BTRC: variants seen among roughly 807,000 people sequenced by gnomAD.
The protein encoded by BTRC is F-box/WD repeat-containing protein 1A.
A neutral mutation model predicts 85.5 loss-of-function variants in BTRC; 42 were observed. The observed-to-expected ratio is 0.49, with a 90% CI of 0.38 to 0.64. The LOEUF (loss-of-function observed/expected upper bound fraction) is 0.64, where lower values mean the gene tolerates loss of function less well. Ranked by LOEUF, BTRC falls within the 30% of genes least tolerant of loss-of-function variation. BTRC has a pLI of 0.00. For synonymous variants in BTRC, 255 were observed against 263.3 expected (o/e 0.97, Z 0.30); for missense variants, 594 against 743.5 (o/e 0.80, Z 2.34).
At chr10:101,422,384 G>T (rs1297421383) in intron 1 of BTRC, among the ~76,000 whole-genome samples, 8 of 152,184 alleles carry the variant, frequency 5.3e-5, no homozygotes, top group African/African-American at 1.9e-4. Context: ...CTTTGTCAGA[G>T]GAGTAGATTG....
chr10:101,464,045 A>T (rs1589502681), intron 3 of BTRC, among the ~76,000 whole-genome samples: 1 of 152,288 alleles, frequency 6.6e-6, no homozygotes, highest in East Asian at 1.9e-4. Flanking sequence ...TGATCTGTTC[A>T]TCTAAACCAA....
intron 4 of BTRC, among the ~76,000 whole-genome samples, chr10:101,484,329 T>C (rs1945925585): frequency 6.6e-6 from 1 of 152,220 alleles, no homozygotes; most frequent in African/African-American, 2.4e-5. Flanking sequence ...AGCAAAATGG[T>C]CCTGGTATGA....
At chr10:101,461,423 G>A (rs1400433220) in intron 2 of BTRC, among the ~76,000 whole-genome samples, 1 of 151,992 alleles carries the variant, frequency 6.6e-6, no homozygotes, top group Non-Finnish European at 1.5e-5. Flanking sequence ...ACATTTTAGG[G>A]CCTCTAGCTG....
At chr10:101,475,704 A>C (rs1457543116) in intron 3 of BTRC, among the ~76,000 whole-genome samples, 1 of 151,960 alleles carries the variant, frequency 6.6e-6, no homozygotes, top group African/African-American at 2.4e-5. Context: ...ATGCTGATAT[A>C]AACAAATGAG....
chr10:101,505,124 T>TACACAC (rs1166595836), intron 4 of BTRC, among the ~76,000 whole-genome samples: 1 of 5,312 alleles, frequency 1.9e-4, no homozygotes, highest in Non-Finnish European at 1.4e-3. Flanking sequence ...TATATATATA[T>TACACAC]ATGTGTATAT....
chr10:101,532,536 G>A (rs1381493073), intron 8 of BTRC, 104 bp downstream of exon 8: 3 of 1,384,740 alleles, frequency 2.2e-6, no homozygotes, highest in African/African-American at 1.5e-5. Flanking sequence ...TAGAAAGTAA[G>A]TGAAGATTTT....
intron 4 of BTRC, among the ~76,000 whole-genome samples, chr10:101,518,419 T>C (rs2062054540): frequency 6.6e-6 from 1 of 152,170 alleles, no homozygotes; most frequent in Non-Finnish European, 1.5e-5. Context: ...AGCTCAGCGC[T>C]CTAAGGAGTA....
chr10:101,497,174 T>G (rs1025448384), intron 4 of BTRC, among the ~76,000 whole-genome samples: 4 of 152,316 alleles, frequency 2.6e-5, no homozygotes, highest in African/African-American at 9.6e-5. Context: ...GTAGTTCCCA[T>G]TATACCGGAT....
intron 1 of BTRC, among the ~76,000 whole-genome samples, chr10:101,399,774 G>A (rs1220110764): frequency 6.6e-6 from 1 of 152,070 alleles, no homozygotes; most frequent in African/African-American, 2.4e-5. Flanking sequence ...AGATTTACCA[G>A]TTTACATCTT....
At chr10:101,498,644 G>A (rs572418274) in intron 4 of BTRC, among the ~76,000 whole-genome samples, 1 of 152,240 alleles carries the variant, frequency 6.6e-6, no homozygotes, top group African/African-American at 2.4e-5. Flanking sequence ...AAAGTTTAGT[G>A]GGCACGTCCT....
At chr10:101,397,307 G>A (rs973962433) in intron 1 of BTRC, among the ~76,000 whole-genome samples, 2 of 152,208 alleles carry the variant, frequency 1.3e-5, no homozygotes, top group African/African-American at 2.4e-5. Flanking sequence ...CAGATAAGCT[G>A]CATCCTGTTG....
intron 2 of BTRC, among the ~76,000 whole-genome samples, chr10:101,459,903 A>G (rs972547888): frequency 1.3e-5 from 2 of 152,206 alleles, no homozygotes; most frequent in African/African-American, 4.8e-5. Flanking sequence ...GGAGTTTGCC[A>G]GCAATTGTGT....
chr10:101,535,648 T>C (rs549141895), intron 11 of BTRC, among the ~76,000 whole-genome samples, 176 bp downstream of exon 11: 1 of 152,342 alleles, frequency 6.6e-6, no homozygotes, highest in African/African-American at 2.4e-5. Flanking sequence ...CAGCAAAGCC[T>C]TTTGTTGCCC....
At chr10:101,369,001 A>G (rs193202574) in intron 1 of BTRC, among the ~76,000 whole-genome samples, 1 of 152,172 alleles carries the variant, frequency 6.6e-6, no homozygotes, top group Non-Finnish European at 1.5e-5. Flanking sequence ...CTTTGGCGAC[A>G]GAGCGAGACT....
At chr10:101,476,006 CAT>C (rs1465577123) in intron 3 of BTRC, among the ~76,000 whole-genome samples, 1 of 142,078 alleles carries the variant, frequency 7.0e-6, no homozygotes, top group Non-Finnish European at 1.5e-5. Flanking sequence ...TCTTGGCAGA[CAT>C]GTCCTTAGCT....
intron 14 of BTRC, among the ~76,000 whole-genome samples, chr10:101,552,790 C>T (rs1464248873): frequency 2.6e-5 from 4 of 152,160 alleles, no homozygotes; most frequent in Non-Finnish European, 2.9e-5. Flanking sequence ...TTACTGGCAC[C>T]GCCATGCTCA....
intron 4 of BTRC, among the ~76,000 whole-genome samples, chr10:101,514,819 A>G (rs577314722): frequency 2.3e-5 from 3 of 129,746 alleles, no homozygotes; most frequent in East Asian, 2.3e-4. Context: ...TGGACTCACT[A>G]TTCCTTTCCA....
At chr10:101,527,962 T>C (rs767720265) in intron 6 of BTRC, among the ~76,000 whole-genome samples, 2 of 152,208 alleles carry the variant, frequency 1.3e-5, no homozygotes, top group African/African-American at 2.4e-5. Context: ...AATGGAGTTA[T>C]ATGGTATTCG....
At chr10:101,417,105 C>T (rs1302848099) in intron 1 of BTRC, among the ~76,000 whole-genome samples, 2 of 152,080 alleles carry the variant, frequency 1.3e-5, no homozygotes. Flanking sequence ...AGAACATTCT[C>T]CCATATAACC....
Sources: allele counts gnomAD v4.1 joint callset (sites outside exome capture counted in the v4.1 genomes callset), GRCh38; gene constraint gnomAD v4.1.1; transcripts MANE v1.5; gene names NCBI Gene and HGNC (gene_info 2026-07-23, HGNC 2026-07-21).